The following HSPB1 variants were observed in gnomAD, a reference collection of about 807,000 sequenced individuals.
HSPB1 encodes the protein heat shock protein family B (small) member 1.
A neutral mutation model predicts 17.0 loss-of-function variants in HSPB1; 19 were observed. The observed-to-expected ratio is 1.12, with a 90% confidence interval of 0.78 to 1.64. The LOEUF (loss-of-function observed/expected upper bound fraction) is 1.64, where lower values mean the gene tolerates loss of function less well. Ranked by LOEUF, HSPB1 falls within the 40% of genes most tolerant of loss-of-function variation. The probability of loss-of-function intolerance (pLI) is 0.00; values close to 1 mark genes in which losing one functional copy is unlikely to be tolerated. For synonymous variants in HSPB1, 165 were observed against 129.8 expected (o/e 1.27, Z -1.84); for missense variants, 348 against 289.2 (o/e 1.20, Z -1.47).
chr7:76,303,930 A>G (rs1415752307), intron 2 of HSPB1, 54 bp from the exon 3 acceptor site: 3 of 1,610,442 alleles, frequency 1.9e-6, no homozygotes, highest in Non-Finnish European at 2.5e-6. Context: ...AAGAGGGCAC[A>G]GGGACCCACC....
rs1416168505 is a variant in HSPB1 at position 76,303,280 on chromosome 7, C to T, written c.364+204C>T. The T allele has an allele frequency of 1.5e-5, 9 of 609,994 alleles. No homozygotes were observed. In the Admixed American group the frequency reaches 2.3e-4, roughly 16 times the overall value. The allele number at this position is 609,994 out of a possible 1,614,324, so 37.8% of individuals were successfully genotyped here. On this transcript the variant is annotated intron_variant, in intron 1 of 2. Transcript: ENST00000248553. The stretch of plus-strand genomic sequence containing the variant: ...GGCGCTTTCTGCTCTGTAATCCCAG[C>T]GCTTTGGGAGGCCGAGACGGGAGGA...
In HSPB1 at chr7:76,303,051, C is replaced by G. The variant is rs751064405; in HGVS notation, c.339C>G (p.Thr113=). The change falls in exon 1 of 3, where the codon ACC becomes ACG. Residue 113 remains threonine, a synonymous_variant. Transcript: ENST00000248553. ...HFAPDELTVK[T]KDGVVEITGK... is the part of the protein sequence containing the mutation. Reference sequence around the variant, plus strand: ...CCCCGGACGAGCTGACGGTCAAGACCAAGGATGGCGTGGTGGAGATCACCG... The same window carrying G: ...CCCCGGACGAGCTGACGGTCAAGACGAAGGATGGCGTGGTGGAGATCACCG... The G allele has an allele frequency of 1.3e-5, 20 of 1,538,306 alleles. No individual in the cohort carries two copies. Among genetic ancestry groups the G allele is most frequent in the Non-Finnish European group, 1.7e-5 (19 of 1,145,580 alleles).
At chr7:76,303,441 C>T in intron 1 of HSPB1, 1 of 492,224 alleles carries the variant, frequency 2.0e-6, no homozygotes, top group Admixed American at 3.7e-5. Context: ...AGAAAATGCG[C>T]TTTTCTACAG....
intron 1 of HSPB1, chr7:76,303,456 C>T (rs908767195): frequency 3.7e-6 from 2 of 534,628 alleles, no homozygotes; most frequent in African/African-American, 1.9e-5. Context: ...CTACAGAGTC[C>T]CCTTCCCACC....
intron 1 of HSPB1, 25 bp downstream of exon 1, chr7:76,303,101 G>A (rs749836175): frequency 4.0e-6 from 6 of 1,507,636 alleles, no homozygotes; most frequent in East Asian, 4.9e-5. Context: ...TCCTGCAGGG[G>A]AGAGGAGGAG....
chr7:76,302,762 A>G lies in HSPB1; in HGVS notation c.50A>G (p.Asp17Gly). 1 of 1,606,582 alleles carries G rather than the reference A, an allele frequency of 6.2e-7. No individual in the cohort carries two copies. Among genetic ancestry groups the G allele is most frequent in the Non-Finnish European group, 8.5e-7 (1 of 1,179,540 alleles). The change falls in exon 1 of 3, where the codon GAC (aspartate) becomes GGC (glycine). Residue 17 changes from aspartate to glycine, a missense_variant. Coordinates refer to ENST00000248553, the MANE Select transcript of HSPB1 (RefSeq NM_001540.5). ...PFSLLRGPSWDPFRDWYPHSR... is the reference protein window; with the variant it reads ...PFSLLRGPSWGPFRDWYPHSR... ...TCGCTCCTGCGGGGCCCCAGCTGGG[A>G]CCCCTTCCGCGACTGGTACCCGCAT...
Position 76,304,277 on chromosome 7 carries a change from G to A in HSPB1, c.*104G>A. On this transcript the variant is annotated 3_prime_UTR_variant, in exon 3 of 3. Transcript: ENST00000248553. The stretch of plus-strand genomic sequence containing the variant: ...TTATCTTCTGTTTTTCTCAAATAAA[G>A]TTCAAAGCAACCACCTGTCACTGGC... 1 of 1,233,498 alleles carries A rather than the reference G, an allele frequency of 8.1e-7. No individual in the cohort carries two copies. Among genetic ancestry groups the A allele is most frequent in the Non-Finnish European group, 1.2e-6 (1 of 858,444 alleles). The allele number at this position is 1,233,498 out of a possible 1,614,324, so 76.4% of individuals were successfully genotyped here.
At chr7:76,303,504 C>T (rs1583965531) in intron 1 of HSPB1, 3 of 566,738 alleles carry the variant, frequency 5.3e-6, no homozygotes, top group African/African-American at 3.7e-5. Flanking sequence ...AGTTCCCTGG[C>T]GCGGTGCCAG....
Position 76,302,711 on chromosome 7 carries a change from G to C in HSPB1, c.-2G>C, listed in dbSNP as rs751435041. 11 of 1,600,886 alleles carry C rather than the reference G, an allele frequency of 6.9e-6. No homozygotes were observed. The Admixed American group carries it at 1.8e-4, about 27-fold the overall frequency. On this transcript the variant is annotated 5_prime_UTR_variant, in exon 1 of 3. Transcript: ENST00000248553. ...CAGACGTCCAGAGCAGAGTCAGCCAGCATGACCGAGCGCCGCGTCCCCTTC... is the reference window on the plus strand; with the variant it reads ...CAGACGTCCAGAGCAGAGTCAGCCACCATGACCGAGCGCCGCGTCCCCTTC...
Position 76,304,266 on chromosome 7 carries a change from T to C in HSPB1, c.*93T>C. The C allele has an allele frequency of 7.6e-7, 1 of 1,319,206 alleles. No homozygotes were observed. The highest frequency in any genetic ancestry group is 2.5e-5 in the East Asian group (1 of 39,874). 81.7% of individuals were successfully genotyped at this position (1,319,206 alleles called of 1,614,324 possible). A position where few individuals can be genotyped will look rare whatever the true frequency, so the allele number is the denominator to read the frequency against. ...TTTTGATACATTTATCTTCTGTTTTTCTCAAATAAAGTTCAAAGCAACCAC... is the reference window on the plus strand; with the variant it reads ...TTTTGATACATTTATCTTCTGTTTTCCTCAAATAAAGTTCAAAGCAACCAC... On this transcript the variant is annotated 3_prime_UTR_variant, in exon 3 of 3. Transcript: ENST00000248553.
rs750588141 is a variant in HSPB1 at position 76,302,751 on chromosome 7, C to T, written c.39C>T (p.Gly13=). 7.5e-6 allele frequency: 12 copies of T among 1,606,400 alleles called. No individual in the cohort carries two copies. In the African/African-American group the frequency reaches 1.3e-4, roughly 18 times the overall value. The part of the protein sequence containing the change: ...ERRVPFSLLR[G]PSWDPFRDWY... ...GCGTCCCCTTCTCGCTCCTGCGGGGCCCCAGCTGGGACCCCTTCCGCGACT... is the reference window on the plus strand; with the variant it reads ...GCGTCCCCTTCTCGCTCCTGCGGGGTCCCAGCTGGGACCCCTTCCGCGACT... The change falls in exon 1 of 3, where the codon GGC becomes GGT. Residue 13 remains glycine, a synonymous_variant. Transcript: ENST00000248553.
At position 76,303,735 on chromosome 7, in the gene HSPB1, C is replaced by T. The variant is rs1583965825; in HGVS notation, c.365-67C>T. 1.4e-6 allele frequency: 2 copies of T among 1,456,502 alleles called. No individual in the cohort carries two copies. The highest frequency in any genetic ancestry group is 1.9e-6 in the Non-Finnish European group (2 of 1,038,956). The allele number at this position is 1,456,502 out of a possible 1,614,324, so 90.2% of individuals were successfully genotyped here. The stretch of plus-strand genomic sequence containing the variant: ...GCTGCTTCCAAGCAGGAGGTGGGGC[C>T]TCTGGCCTAGCGGGGCCGAAAGGCA... On this transcript the variant is annotated intron_variant, in intron 1 of 2. Coordinates refer to ENST00000248553, the MANE Select transcript of HSPB1 (RefSeq NM_001540.5).
rs755748202 is a variant in HSPB1 at position 76,302,833 on chromosome 7, G to GAGTGGTCGC, written c.128_136dup (p.Ser43_Trp45dup). The stretch of plus-strand genomic sequence containing the variant: ...CTTCGGGCTGCCCCGGCTGCCGGAG[G>GAGTGGTCGC]AGTGGTCGCAGTGGTTAGGCGGCAG... On this transcript the variant is annotated inframe_insertion, in exon 1 of 3. Transcript: ENST00000248553. The GAGTGGTCGC allele has an allele frequency of 6.9e-6, 11 of 1,604,192 alleles. No individual in the cohort carries two copies. The East Asian group carries it at 2.5e-4, about 36-fold the overall frequency.
intron 1 of HSPB1, 125 bp from the exon 2 acceptor site, chr7:76,303,677 C>T (rs1039968000): frequency 5.6e-6 from 4 of 717,378 alleles, no homozygotes; most frequent in East Asian, 2.7e-5. Flanking sequence ...ATCCCCAACC[C>T]CCTCTGTTAA....
At chr7:76,303,418 C>G (rs146864654) in intron 1 of HSPB1, 16 of 459,674 alleles carry the variant, frequency 3.5e-5, no homozygotes, top group Middle Eastern at 1.2e-3. Context: ...TTTTAAAGAT[C>G]ATCGATGAAG....
rs538639655 is a variant in HSPB1, at chr7:76,304,247, T to TA, written c.*75dup. The stretch of plus-strand genomic sequence containing the variant: ...CCCCGCCACCTGTGTGTTCTTTTGA[T>TA]ACATTTATCTTCTGTTTTTCTCAAA... On this transcript the variant is annotated 3_prime_UTR_variant, in exon 3 of 3. Coordinates refer to ENST00000248553, the MANE Select transcript of HSPB1 (RefSeq NM_001540.5). The TA allele has an allele frequency of 3.6e-4, 480 of 1,341,434 alleles. 5 individuals are homozygous for TA. In the East Asian group the frequency reaches 6.3e-3, roughly 18 times the overall value. The allele number at this position is 1,341,434 out of a possible 1,614,324, so 83.1% of individuals were successfully genotyped here.
chr7:76,303,665 C>T, intron 1 of HSPB1, 137 bp from the exon 2 acceptor site: 1 of 676,286 alleles, frequency 1.5e-6, no homozygotes, highest in Non-Finnish European at 2.7e-6. Context: ...GGGCACGCCC[C>T]CATCCCCAAC....
chr7:76,303,043 G>C lies in HSPB1; in HGVS notation c.331G>C (p.Val111Leu). The C allele has an allele frequency of 6.5e-7, 1 of 1,541,518 alleles. No homozygotes were observed. Among genetic ancestry groups the C allele is most frequent in the Non-Finnish European group, 8.7e-7 (1 of 1,147,790 alleles). The change falls in exon 1 of 3, where the codon GTC (valine) becomes CTC (leucine). Residue 111 changes from valine (V) to leucine (L), a missense_variant. By Grantham distance (32) the Val-to-Leu change is conservative. Coordinates refer to ENST00000248553, the MANE Select transcript of HSPB1 (RefSeq NM_001540.5). The stretch of plus-strand genomic sequence containing the variant: ...CCACTTCGCCCCGGACGAGCTGACG[G>C]TCAAGACCAAGGATGGCGTGGTGGA... ...VNHFAPDELT[V>L]KTKDGVVEIT...
rs767208002 is a variant in HSPB1 at position 76,303,843 on chromosome 7, CG to C, written c.408del (p.Cys137AlafsTer27). 6.9e-7 allele frequency: 1 copy of C among 1,449,522 alleles called. No individual in the cohort carries two copies. The allele number at this position is 1,449,522 out of a possible 1,614,324, so 89.8% of individuals were successfully genotyped here. On this transcript the variant is annotated frameshift_variant, in exon 2 of 3. Transcript: ENST00000248553. LOFTEE classifies it high-confidence loss of function. ...GCAGGACGAGCATGGCTACATCTCCCGGTGCTTCACGCGGAAATACACGTGA... is the reference window on the plus strand; with the variant it reads ...GCAGGACGAGCATGGCTACATCTCCCGTGCTTCACGCGGAAATACACGTGA... ...ERQDEHGYISRCFTRKYTLPP... is the reference protein window; with the variant it reads ...ERQDEHGYISXCFTRKYTLPP...
Sources: gnomAD v4.1 joint callset for allele counts on GRCh38, gnomAD v4.1.1 for gene constraint, MANE v1.5 for transcripts, NCBI Gene and HGNC (gene_info 2026-07-23, HGNC 2026-07-21) for gene names.